Variants in CCDC178 observed in about 807,000 individuals in gnomAD.
CCDC178 encodes the protein coiled-coil domain-containing protein 178.
CCDC178 carries 126 observed loss-of-function variants against 117.4 expected under a neutral mutation model. The ratio of observed to expected loss-of-function variants is 1.07; its 90% CI spans 0.93 to 1.24. The LOEUF is 1.24. Ranked by LOEUF, CCDC178 falls within the 50% of genes most tolerant of loss-of-function variation. CCDC178 has a pLI of 0.00. For missense variants in CCDC178, 1,030 were observed against 986.9 expected (o/e 1.04, Z -0.59); for synonymous variants, 283 against 313.4 (o/e 0.90, Z 1.02).
chr18:33,031,310 A>C (rs1235373176), intron 21 of CCDC178, among the ~76,000 whole-genome samples: 1 of 151,520 alleles, frequency 6.6e-6, no homozygotes, highest in African/African-American at 2.4e-5. Flanking sequence ...TCACAGGCAC[A>C]ATTATAGCAC....
intron 6 of CCDC178, among the ~76,000 whole-genome samples, chr18:33,363,350 A>G (rs2063156076): frequency 6.6e-6 from 1 of 152,050 alleles, no homozygotes. Context: ...CTCTCAACTT[A>G]TAAGAAGCAG....
intron 12 of CCDC178, among the ~76,000 whole-genome samples, chr18:33,281,977 G>C (rs1348292851): frequency 7.9e-5 from 12 of 152,196 alleles, no homozygotes; most frequent in African/African-American, 2.4e-4. Context: ...CAGATAAGTG[G>C]AACAGCTCCC....
rs1343142171 is a variant in CCDC178 at position 33,397,169 on chromosome 18, G to A, written c.98C>T (p.Ala33Val). Residue 33 changes from alanine (A) to valine (V), a missense_variant, in exon 4 of 23, where the codon GCA (alanine) becomes GTA (valine). Coordinates refer to ENST00000383096, the MANE Select transcript of CCDC178 (RefSeq NM_001105528.4). ...CQEVKALREK[A>V]WSRTNEGNAM... ...GATACCTTCATTTGTCCTTGACCATGCCTTCTCTCTGAGAGCCTTTACTTC... is the reference window on the plus strand; with the variant it reads ...GATACCTTCATTTGTCCTTGACCATACCTTCTCTCTGAGAGCCTTTACTTC... 5 of 1,605,864 alleles carry A rather than the reference G, an allele frequency of 3.1e-6. No individual in the cohort carries two copies. Among genetic ancestry groups the A allele is most frequent in the Admixed American group, 3.4e-5 (2 of 59,694 alleles).
At chr18:33,134,294 G>C (rs538397492) in intron 20 of CCDC178, among the ~76,000 whole-genome samples, 16 of 151,838 alleles carry the variant, frequency 1.1e-4, no homozygotes, top group Non-Finnish European at 2.2e-4. Flanking sequence ...TTCATAGTTG[G>C]GGGTTAGGAT....
At chr18:33,263,961 C>T (rs2059783196) in intron 14 of CCDC178, among the ~76,000 whole-genome samples, 1 of 151,468 alleles carries the variant, frequency 6.6e-6, no homozygotes, top group Non-Finnish European at 1.5e-5. Context: ...GAAGCATGAG[C>T]TAGAAGAATA....
intron 21 of CCDC178, among the ~76,000 whole-genome samples, chr18:32,984,625 A>G (rs1490210485): frequency 6.6e-6 from 1 of 150,422 alleles, no homozygotes; most frequent in African/African-American, 2.5e-5. Flanking sequence ...AAATAAATGA[A>G]TGAACGTATA....
chr18:33,427,401 G>T (rs1798371306), intron 2 of CCDC178, among the ~76,000 whole-genome samples: 1 of 151,808 alleles, frequency 6.6e-6, no homozygotes. Flanking sequence ...TAGATTTTTT[G>T]CAACAATGCA....
intron 20 of CCDC178, among the ~76,000 whole-genome samples, chr18:33,185,390 T>C (rs574994076): frequency 6.6e-6 from 1 of 151,982 alleles, no homozygotes; most frequent in African/African-American, 2.4e-5. Context: ...GGGGTAAGAG[T>C]ACATTGCGAA....
chr18:32,972,862 G>A (rs1847642068), intron 22 of CCDC178, among the ~76,000 whole-genome samples: 1 of 152,000 alleles, frequency 6.6e-6, no homozygotes, highest in Non-Finnish European at 1.5e-5. Flanking sequence ...TTTGAAAATT[G>A]TATTTTCACA....
chr18:33,170,333 T>A (rs2058583778), intron 20 of CCDC178, among the ~76,000 whole-genome samples: 1 of 152,274 alleles, frequency 6.6e-6, no homozygotes, highest in East Asian at 1.9e-4. Flanking sequence ...TTGTTCTGAT[T>A]TAAGAGGGGC....
rs534557922 is a variant in CCDC178 at position 33,117,011 on chromosome 18, G to A, written c.2239-24101C>T. 7.2e-5 allele frequency among the ~76,000 whole-genome samples: 11 copies of A among 152,118 alleles called. No individual in the cohort carries two copies. In the East Asian group the frequency reaches 2.1e-3, roughly 30 times the overall value. On this transcript the variant is annotated intron_variant, in intron 20 of 22. Coordinates refer to ENST00000383096, the MANE Select transcript of CCDC178 (RefSeq NM_001105528.4). Reference sequence around the variant, plus strand: ...TGGTCTGGATGGAGAAAAAGCCAGGGGCATGAATCTATATCAATTGATGGT... The same window carrying A: ...TGGTCTGGATGGAGAAAAAGCCAGGAGCATGAATCTATATCAATTGATGGT...
chr18:33,043,410 T>C (rs1024147208), intron 21 of CCDC178, among the ~76,000 whole-genome samples: 1 of 151,998 alleles, frequency 6.6e-6, no homozygotes, highest in Non-Finnish European at 1.5e-5. Context: ...AGTGCTTCAA[T>C]TGGGATTTTG....
chr18:32,950,194 C>T (rs2054450023), intron 22 of CCDC178, among the ~76,000 whole-genome samples: 2 of 152,158 alleles, frequency 1.3e-5, no homozygotes, highest in South Asian at 4.1e-4. Context: ...AGAGAATCTG[C>T]AAGGCTTTCA....
At chr18:33,420,953 A>G (rs747815349) in intron 2 of CCDC178, among the ~76,000 whole-genome samples, 1 of 152,216 alleles carries the variant, frequency 6.6e-6, no homozygotes, top group East Asian at 1.9e-4. Context: ...ATTTTGGACA[A>G]TGATTTTGAA....
intron 21 of CCDC178, among the ~76,000 whole-genome samples, chr18:33,084,859 G>A (rs2057353601): frequency 1.3e-5 from 2 of 151,522 alleles, no homozygotes; most frequent in African/African-American, 4.8e-5. Flanking sequence ...TCCAATTCAT[G>A]TGTCATTGCT....
At chr18:33,027,380 T>C (rs547380720) in intron 21 of CCDC178, among the ~76,000 whole-genome samples, 1 of 151,750 alleles carries the variant, frequency 6.6e-6, no homozygotes, top group South Asian at 2.1e-4. Context: ...ACCATAACAG[T>C]AGTTACAATA....
chr18:33,260,468 T>G lies in CCDC178; in HGVS notation c.1409+6448A>C, dbSNP rs189463978. On this transcript the variant is annotated intron_variant, in intron 14 of 22. Coordinates refer to ENST00000383096, the MANE Select transcript of CCDC178 (RefSeq NM_001105528.4). Reference sequence around the variant, plus strand: ...TTATATTTATCATTATATTATATATTTGTTATTTTATTATTTACTTATTTT... The same window carrying G: ...TTATATTTATCATTATATTATATATGTGTTATTTTATTATTTACTTATTTT... Among the ~76,000 whole-genome samples the G allele has an allele frequency of 4.0e-3, 608 of 150,790 alleles. 1 individual carries two copies. Among genetic ancestry groups the G allele is most frequent in the Non-Finnish European group, 5.9e-3 (401 of 67,646 alleles).
intron 21 of CCDC178, among the ~76,000 whole-genome samples, chr18:33,046,459 TATAAA>T (rs1403211956): frequency 6.6e-6 from 1 of 151,956 alleles, no homozygotes; most frequent in African/African-American, 2.4e-5. Flanking sequence ...ACTGTTTTAA[TATAAA>T]ATAAGTACAG....
intron 12 of CCDC178, among the ~76,000 whole-genome samples, chr18:33,292,553 C>T (rs949375150): frequency 6.6e-6 from 1 of 151,870 alleles, no homozygotes; most frequent in Non-Finnish European, 1.5e-5. Context: ...CTGTATTTTC[C>T]ACGAGGATTT....
Sources: gnomAD v4.1 joint callset for allele counts (sites outside exome capture counted in the v4.1 genomes callset) on GRCh38, gnomAD v4.1.1 for gene constraint, MANE v1.5 for transcripts, NCBI Gene and HGNC (gene_info 2026-07-23, HGNC 2026-07-21) for gene names.